ASTN2: variants seen among roughly 807,000 people sequenced by gnomAD.
The protein encoded by ASTN2 is astrotactin 2, also known as astrotactin-2.
ASTN2 carries 54 observed loss-of-function variants against 139.8 expected under a neutral mutation model. That is an observed-to-expected ratio of 0.39 (90% CI 0.31 to 0.48). ASTN2 has a LOEUF of 0.48. Among genes scored for constraint, ASTN2 ranks in the 20% least tolerant of loss-of-function variants. The pLI is 0.95. For synonymous variants in ASTN2, 756 were observed against 719.5 expected, an observed-to-expected ratio of 1.05 and a Z score of -0.81; for missense variants, 1,565 against 1,725.1, an observed-to-expected ratio of 0.91 and a Z score of 1.64.
chr9:116,797,410 T>C (rs1398981598), intron 13 of ASTN2, among the ~76,000 whole-genome samples: 2 of 152,182 alleles, frequency 1.3e-5, no homozygotes, highest in African/African-American at 4.8e-5. Context: ...AGAGGTTTTT[T>C]TTTCTGCAAC....
At chr9:117,054,742 A>G (rs1042342611) in intron 5 of ASTN2, among the ~76,000 whole-genome samples, 76 of 152,176 alleles carry the variant, frequency 5.0e-4, no homozygotes, top group African/African-American at 1.8e-3. Flanking sequence ...TAGGCAGGGA[A>G]CAGCTCATAA....
chr9:117,369,369 G>C (rs1177828404), intron 1 of ASTN2, among the ~76,000 whole-genome samples: 3 of 151,420 alleles, frequency 2.0e-5, no homozygotes, highest in African/African-American at 7.3e-5. Context: ...GCTTTTCAGG[G>C]GCCAGGCACC....
chr9:116,801,367 G>C (rs903274441), intron 13 of ASTN2, among the ~76,000 whole-genome samples: 1 of 151,918 alleles, frequency 6.6e-6, no homozygotes, highest in African/African-American at 2.4e-5. Context: ...TGGATCGCGA[G>C]GTCAGGAGTT....
intron 16 of ASTN2, among the ~76,000 whole-genome samples, chr9:116,709,708 A>G (rs1386535093): frequency 6.6e-6 from 1 of 152,198 alleles, no homozygotes; most frequent in African/African-American, 2.4e-5. Flanking sequence ...TACTCACAAT[A>G]AATCCACAAT....
Position 116,698,812 on chromosome 9 carries a change from T to G in ASTN2, c.2806+26959A>C. 1 of 1,614,202 alleles carries G rather than the reference T, an allele frequency of 6.2e-7. No individual in the cohort carries two copies. The highest frequency in any genetic ancestry group is 8.5e-7 in the Non-Finnish European group (1 of 1,180,042). Reference sequence around the variant, plus strand: ...GCCTCCAATATCCAGCAGTGCCTCTTTCTCAAGAAGATGGGGGCCAAAGGC... The same window carrying G: ...GCCTCCAATATCCAGCAGTGCCTCTGTCTCAAGAAGATGGGGGCCAAAGGC... On this transcript the variant is annotated intron_variant, in intron 16 of 22. Coordinates refer to ENST00000313400, the MANE Select transcript of ASTN2 (RefSeq NM_001365068.1). The surrounding 1 kb of genome is among the most constrained non-coding windows in gnomAD (Gnocchi z 4.4).
At chr9:116,916,206 C>G (rs1834442324) in intron 10 of ASTN2, among the ~76,000 whole-genome samples, 1 of 152,144 alleles carries the variant, frequency 6.6e-6, no homozygotes, top group African/African-American at 2.4e-5. Context: ...TTGTCTGTCC[C>G]TGACCATGAA....
intron 2 of ASTN2, among the ~76,000 whole-genome samples, chr9:117,252,343 A>T (rs1833561133): frequency 6.6e-6 from 1 of 152,356 alleles, no homozygotes; most frequent in African/African-American, 2.4e-5. Flanking sequence ...GCCTGGACAG[A>T]AACTAAGAAG....
intron 2 of ASTN2, among the ~76,000 whole-genome samples, chr9:117,262,687 G>A (rs962994441): frequency 6.6e-6 from 1 of 152,140 alleles, no homozygotes; most frequent in Non-Finnish European, 1.5e-5. Flanking sequence ...AATATGATAG[G>A]TTACACGGTG....
At chr9:116,729,488 A>C (rs1289052087) in intron 14 of ASTN2, among the ~76,000 whole-genome samples, 2 of 152,202 alleles carry the variant, frequency 1.3e-5, no homozygotes, top group Non-Finnish European at 2.9e-5. Context: ...CAAGTAAGGT[A>C]CCAGAAGTGG....
At chr9:117,325,588 C>A (rs1828487727) in intron 1 of ASTN2, among the ~76,000 whole-genome samples, 1 of 152,118 alleles carries the variant, frequency 6.6e-6, no homozygotes, top group South Asian at 2.1e-4. Flanking sequence ...TCATCAATTC[C>A]CCCATAATTA....
At chr9:116,480,951 C>A (rs1243401048) in intron 20 of ASTN2, among the ~76,000 whole-genome samples, 1 of 152,188 alleles carries the variant, frequency 6.6e-6, no homozygotes, top group Non-Finnish European at 1.5e-5. Context: ...ATAGTAGTCA[C>A]AGTGGTTACT....
rs185837926 is a variant in ASTN2 at position 116,844,132 on chromosome 9, G to T, written c.2040+19451C>A. On this transcript the variant is annotated intron_variant, in intron 11 of 22. Coordinates refer to ENST00000313400, the MANE Select transcript of ASTN2 (RefSeq NM_001365068.1). ...GTCCTGTTTTTCCTGTTCTAAAATAGACTCAATAATAAATAACCGCCTCCT... is the reference window on the plus strand; with the variant it reads ...GTCCTGTTTTTCCTGTTCTAAAATATACTCAATAATAAATAACCGCCTCCT... Among the ~76,000 whole-genome samples, 322 of 152,226 alleles carry T rather than the reference G, an allele frequency of 2.1e-3. 2 individuals carry two copies. Among genetic ancestry groups the T allele is most frequent in the African/African-American group, 6.9e-3 (288 of 41,528 alleles).
At chr9:116,607,368 G>A (rs936413021) in intron 19 of ASTN2, among the ~76,000 whole-genome samples, 14 of 152,074 alleles carry the variant, frequency 9.2e-5, no homozygotes, top group Admixed American at 3.3e-4. Flanking sequence ...ATTGGATAAT[G>A]TGGAGAATGA....
At chr9:116,704,617 T>C (rs1393933105) in intron 16 of ASTN2, among the ~76,000 whole-genome samples, 1 of 152,232 alleles carries the variant, frequency 6.6e-6, no homozygotes, top group Non-Finnish European at 1.5e-5. Context: ...TTGATACACA[T>C]TCAAGTGAAA....
intron 3 of ASTN2, among the ~76,000 whole-genome samples, chr9:117,195,444 G>A (rs974671114): frequency 3.3e-5 from 5 of 152,180 alleles, no homozygotes; most frequent in African/African-American, 9.7e-5. Flanking sequence ...TCACAACAGA[G>A]TGGCTGCAGT....
At chr9:116,967,233 AAGAT>A (rs1564363840) in intron 10 of ASTN2, among the ~76,000 whole-genome samples, 1 of 152,188 alleles carries the variant, frequency 6.6e-6, no homozygotes, top group Non-Finnish European at 1.5e-5. Context: ...AAAACATTCA[AAGAT>A]AGAGTGTTAG....
rs144376673 is a variant in ASTN2 at position 116,897,782 on chromosome 9, C to A, written c.1890-34049G>T. ...ACACCATTTAAAAAAAACAAGCACA[C>A]ATTACAGCATTCCTATGGGTAGGTT... is the stretch of plus-strand genomic sequence containing the variant. On this transcript the variant is annotated intron_variant, in intron 10 of 22. Coordinates refer to ENST00000313400, the MANE Select transcript of ASTN2 (RefSeq NM_001365068.1). 2.1e-3 allele frequency among the ~76,000 whole-genome samples: 326 copies of A among 151,764 alleles called. 1 individual carries two copies. Among genetic ancestry groups the A allele is most frequent in the African/African-American group, 7.4e-3 (305 of 41,332 alleles).
chr9:116,992,422 G>A (rs1429898768), intron 7 of ASTN2, among the ~76,000 whole-genome samples: 1 of 152,254 alleles, frequency 6.6e-6, no homozygotes, highest in East Asian at 1.9e-4. Context: ...AGAGGCAAGG[G>A]TCATTAATTA....
chr9:116,513,486 T>G (rs1850496677), intron 19 of ASTN2, among the ~76,000 whole-genome samples: 1 of 150,710 alleles, frequency 6.6e-6, no homozygotes, highest in Non-Finnish European at 1.5e-5. Context: ...GTCTTGGAGT[T>G]GCTCTTCTCA....
Sources: gnomAD v4.1 joint callset for allele counts (sites outside exome capture counted in the v4.1 genomes callset) on GRCh38, gnomAD v4.1.1 for gene constraint, Gnocchi (gnomAD v3.1) non-coding constraint, MANE v1.5 for transcripts, NCBI Gene and HGNC (gene_info 2026-07-23, HGNC 2026-07-21) for gene names.